The following GLRA3 variants were observed in gnomAD, a reference collection of about 807,000 sequenced individuals.
GLRA3 encodes glycine receptor subunit alpha-3.
A neutral mutation model predicts 60.4 loss-of-function variants in GLRA3; 44 were observed. The observed-to-expected ratio is 0.73, with a 90% CI of 0.57 to 0.94. The LOEUF (loss-of-function observed/expected upper bound fraction) is 0.94. GLRA3 is among the 40% of genes least tolerant of loss of function. GLRA3 has a pLI of 0.00. For missense variants in GLRA3, 508 were observed against 564.6 expected (o/e 0.90, Z 1.02); for synonymous variants, 223 against 192.9 (o/e 1.16, Z -1.29).
intron 9 of GLRA3, among the ~76,000 whole-genome samples, chr4:174,653,494 C>T (rs1343830732): frequency 3.3e-5 from 5 of 151,840 alleles, no homozygotes; most frequent in Admixed American, 2.0e-4. Context: ...TTATAGATGA[C>T]ATCTGAATTA....
chr4:174,823,512 G>T (rs1235084780), intron 1 of GLRA3, among the ~76,000 whole-genome samples: 2 of 151,902 alleles, frequency 1.3e-5, no homozygotes, highest in East Asian at 3.9e-4. Flanking sequence ...GCAACAGAGC[G>T]AGACTCTGTC....
chr4:174,670,322 A>C (rs1298776002), intron 7 of GLRA3, among the ~76,000 whole-genome samples: 2 of 152,116 alleles, frequency 1.3e-5, no homozygotes, highest in African/African-American at 2.4e-5. Flanking sequence ...TTTCCTCTGG[A>C]GTTCAAGAGC....
intron 7 of GLRA3, among the ~76,000 whole-genome samples, chr4:174,668,108 A>G (rs1369201720): frequency 1.3e-5 from 2 of 152,196 alleles, no homozygotes; most frequent in South Asian, 2.1e-4. Flanking sequence ...CAGCCATGTA[A>G]GAAGTGCTTA....
intron 5 of GLRA3, among the ~76,000 whole-genome samples, chr4:174,695,096 CA>C (rs968298345): frequency 2.0e-5 from 3 of 151,102 alleles, no homozygotes; most frequent in East Asian, 1.9e-4. Flanking sequence ...GCCTACCAAC[CA>C]AAAAAAATGC....
chr4:174,692,026 C>A (rs1226561744), intron 5 of GLRA3, among the ~76,000 whole-genome samples: 1 of 150,020 alleles, frequency 6.7e-6, no homozygotes, highest in East Asian at 2.0e-4. Context: ...ATGTGAGGAG[C>A]GCCTCTACCC....
At chr4:174,754,148 CATG>C in intron 3 of GLRA3, among the ~76,000 whole-genome samples, 1 of 152,112 alleles carries the variant, frequency 6.6e-6, no homozygotes, top group East Asian at 1.9e-4. Flanking sequence ...CCTTTCTGAG[CATG>C]ATGATTATAA....
intron 1 of GLRA3, among the ~76,000 whole-genome samples, chr4:174,810,799 C>T (rs542902475): frequency 1.1e-4 from 17 of 152,148 alleles, no homozygotes; most frequent in African/African-American, 3.9e-4. Flanking sequence ...TAAAAAAATG[C>T]CAGTTACATT....
chr4:174,770,777 A>G (rs957791473), intron 2 of GLRA3, among the ~76,000 whole-genome samples: 1 of 152,054 alleles, frequency 6.6e-6, no homozygotes, highest in African/African-American at 2.4e-5. Flanking sequence ...AACATTTACA[A>G]ATTTCTAAAA....
Position 174,644,420 on chromosome 4 carries a change from T to TTA in GLRA3, c.1117-357_1117-356insTA, listed in dbSNP as rs1245995181. Among the ~76,000 whole-genome samples, 20 of 8,806 alleles carry TTA rather than the reference T, an allele frequency of 2.3e-3. 1 individual carries two copies. The Non-Finnish European group carries it at 0.077, about 34-fold the overall frequency. 5.8% of individuals were successfully genotyped at this position (8,806 alleles called of 152,430 possible). A position where few individuals can be genotyped will look rare whatever the true frequency, so the allele number is the denominator to read the frequency against. On this transcript the variant is annotated intron_variant, in intron 9 of 9. Coordinates refer to ENST00000274093, the MANE Select transcript of GLRA3 (RefSeq NM_006529.4). ...CATAAACTAGATTTTTTTTTTTGCA[T>TTA]TTTTTTTTAAATGGATAAATGTGTG...
rs568118650 is a variant in GLRA3 at position 174,665,235 on chromosome 4, T to C, written c.928-6038A>G. On this transcript the variant is annotated intron_variant, in intron 7 of 9. Transcript: ENST00000274093. Reference sequence around the variant, plus strand: ...CACTCTGCCTCAGCTGCTTTGTATTTACTTTTTTTTTTTTTTTTTTTGCTA... The same window carrying C: ...CACTCTGCCTCAGCTGCTTTGTATTCACTTTTTTTTTTTTTTTTTTTGCTA... 5.1e-5 allele frequency among the ~76,000 whole-genome samples: 4 copies of C among 78,226 alleles called. No individual in the cohort carries two copies. The South Asian group carries it at 2.5e-3, about 50-fold the overall frequency. The allele number at this position is 78,226 out of a possible 152,430, so 51.3% of individuals were successfully genotyped here.
intron 1 of GLRA3, among the ~76,000 whole-genome samples, chr4:174,794,510 T>C (rs1381091862): frequency 6.6e-6 from 1 of 152,076 alleles, no homozygotes; most frequent in Non-Finnish European, 1.5e-5. Flanking sequence ...CCACACACTA[T>C]GCTCACTATA....
intron 7 of GLRA3, among the ~76,000 whole-genome samples, chr4:174,673,924 C>G (rs995428860): frequency 6.6e-6 from 1 of 152,130 alleles, no homozygotes; most frequent in African/African-American, 2.4e-5. Context: ...CTGCATTTCC[C>G]TGAATTTTCC....
chr4:174,775,920 A>G (rs183782432), intron 2 of GLRA3, among the ~76,000 whole-genome samples: 1 of 152,188 alleles, frequency 6.6e-6, no homozygotes, highest in East Asian at 1.9e-4. Context: ...TAATGACATA[A>G]AATATAGAGC....
intron 9 of GLRA3, among the ~76,000 whole-genome samples, chr4:174,653,629 C>T (rs149531627): frequency 2.4e-4 from 36 of 151,734 alleles, no homozygotes; most frequent in South Asian, 8.3e-4. Flanking sequence ...TTATAGAGGA[C>T]GGATAAGAAA....
intron 5 of GLRA3, among the ~76,000 whole-genome samples, chr4:174,711,108 A>G (rs1228913054): frequency 1.3e-5 from 2 of 151,946 alleles, no homozygotes; most frequent in Admixed American, 6.5e-5. Flanking sequence ...GGGAATTTGT[A>G]GCAACTTACA....
At chr4:174,665,048 A>C (rs750316693) in intron 7 of GLRA3, among the ~76,000 whole-genome samples, 3 of 152,154 alleles carry the variant, frequency 2.0e-5, no homozygotes, top group Admixed American at 6.6e-5. Flanking sequence ...TAACGATATG[A>C]AAGACTGGGA....
At chr4:174,821,748 C>A (rs1230675318) in intron 1 of GLRA3, among the ~76,000 whole-genome samples, 2 of 152,026 alleles carry the variant, frequency 1.3e-5, no homozygotes, top group Non-Finnish European at 2.9e-5. Flanking sequence ...GGCAAAGAAC[C>A]AAACCCTTCT....
intron 9 of GLRA3, among the ~76,000 whole-genome samples, chr4:174,645,363 G>C (rs1011514504): frequency 1.4e-5 from 2 of 145,032 alleles, no homozygotes; most frequent in Admixed American, 7.0e-5. Context: ...AGTGAGCTGA[G>C]ATCGCACCAC....
chr4:174,724,226 A>G (rs1250038760), intron 4 of GLRA3, among the ~76,000 whole-genome samples: 1 of 152,026 alleles, frequency 6.6e-6, no homozygotes, highest in Non-Finnish European at 1.5e-5. Flanking sequence ...GTGAACATAT[A>G]TAGGCCCTTT....
Sources: allele counts gnomAD v4.1 joint callset (sites outside exome capture counted in the v4.1 genomes callset), GRCh38; gene constraint gnomAD v4.1.1; transcripts MANE v1.5; gene names NCBI Gene and HGNC (gene_info 2026-07-23, HGNC 2026-07-21).